PDE8B: variants seen among roughly 807,000 people sequenced by gnomAD.
PDE8B encodes the protein phosphodiesterase 8B, also known as high affinity cAMP-specific and IBMX-insensitive 3',5'-cyclic phosphodiesterase 8B.
A neutral mutation model predicts 101.3 loss-of-function variants in PDE8B; 26 were observed. The ratio of observed to expected loss-of-function variants is 0.26; its 90% confidence interval spans 0.19 to 0.36. PDE8B has a LOEUF of 0.36. Ranked by LOEUF, PDE8B falls within the 10% of genes least tolerant of loss-of-function variation. The probability of loss-of-function intolerance (pLI) is 1.00; values close to 1 mark genes in which losing one functional copy is unlikely to be tolerated. For missense variants in PDE8B, 810 were observed against 1,163.1 expected, an observed-to-expected ratio of 0.70 and a Z score of 4.42; for synonymous variants, 424 against 429.3, an observed-to-expected ratio of 0.99 and a Z score of 0.15.
At chr5:77,281,092 G>A (rs1171655984) in intron 1 of PDE8B, among the ~76,000 whole-genome samples, 2 of 152,204 alleles carry the variant, frequency 1.3e-5, no homozygotes, top group African/African-American at 4.8e-5. Flanking sequence ...CCAGGCCACA[G>A]TGCCCGTGGA....
At chr5:77,174,331 C>A in the PDE8B span, among the ~76,000 whole-genome samples, 3 of 152,172 alleles carry the variant, frequency 2.0e-5, no homozygotes, top group East Asian at 5.8e-4. Context: ...GAGTCAGTCA[C>A]CCACTCACAT....
At chr5:77,371,311 C>A (rs932156234) in intron 10 of PDE8B, among the ~76,000 whole-genome samples, 1 of 152,116 alleles carries the variant, frequency 6.6e-6, no homozygotes, top group Admixed American at 6.6e-5. Context: ...TGGGATCAAG[C>A]TTAATATTTT....
At position 77,258,254 on chromosome 5, in the gene PDE8B, A is replaced by G. The variant is rs149141595; in HGVS notation, c.339+46990A>G. Among the ~76,000 whole-genome samples, 24 of 144,334 alleles carry G rather than the reference A, an allele frequency of 1.7e-4. No individual in the cohort carries two copies. In the East Asian group the frequency reaches 5.1e-3, roughly 31 times the overall value. 94.7% of individuals were successfully genotyped at this position (144,334 alleles called of 152,430 possible). A position where few individuals can be genotyped will look rare whatever the true frequency, so the allele number is the denominator to read the frequency against. On this transcript the variant is annotated intron_variant, in intron 1 of 21. Coordinates refer to ENST00000264917, the MANE Select transcript of PDE8B (RefSeq NM_003719.5). ...TAGTGAGCCGAGATTGCATCACTGC[A>G]CATCAGCCTGGGTGACAAAAGCGAG...
chr5:77,230,720 C>G (rs994022695), intron 1 of PDE8B, among the ~76,000 whole-genome samples: 5 of 152,162 alleles, frequency 3.3e-5, no homozygotes, highest in Non-Finnish European at 7.3e-5. Flanking sequence ...GCTGGGATTA[C>G]AGGCATGAGC....
At chr5:77,378,768 C>T (rs1443700602) in intron 10 of PDE8B, among the ~76,000 whole-genome samples, 1 of 152,302 alleles carries the variant, frequency 6.6e-6, no homozygotes, top group East Asian at 1.9e-4. Flanking sequence ...GATCCAAATG[C>T]TTGGCCCCAC....
In PDE8B at chr5:77,290,904, A is replaced by G; in HGVS notation, c.340-21090A>G. 1.9e-6 allele frequency: 3 copies of G among 1,606,302 alleles called. No individual in the cohort carries two copies. In the Admixed American group the frequency reaches 5.0e-5, roughly 27 times the overall value. On this transcript the variant is annotated intron_variant, in intron 1 of 21. Coordinates refer to ENST00000264917, the MANE Select transcript of PDE8B (RefSeq NM_003719.5). Reference sequence around the variant, plus strand: ...GATAATAGCCAAGGTTCTGGAGGACAACAAGCTGCTTGGTGCAATTTGTTC... The same window carrying G: ...GATAATAGCCAAGGTTCTGGAGGACGACAAGCTGCTTGGTGCAATTTGTTC...
the PDE8B span, among the ~76,000 whole-genome samples, chr5:77,135,722 G>A: frequency 1.3e-5 from 2 of 151,894 alleles, no homozygotes; most frequent in African/African-American, 2.4e-5. Flanking sequence ...TGATCCACCC[G>A]CCTCGGCCTC....
chr5:77,349,869 TTG>T (rs1780770432), intron 8 of PDE8B, among the ~76,000 whole-genome samples: 2 of 152,192 alleles, frequency 1.3e-5, no homozygotes, highest in Admixed American at 1.3e-4. Context: ...CAGAGAGCTG[TTG>T]TGTTTTTTCA....
chr5:77,385,115 G>A (rs1416633604), intron 10 of PDE8B, among the ~76,000 whole-genome samples: 1 of 152,178 alleles, frequency 6.6e-6, no homozygotes, highest in Non-Finnish European at 1.5e-5. Flanking sequence ...GACTTCTTTT[G>A]GTTGGTAGGC....
chr5:77,266,020 G>A (rs1761639726), intron 1 of PDE8B, among the ~76,000 whole-genome samples: 1 of 152,156 alleles, frequency 6.6e-6, no homozygotes, highest in Non-Finnish European at 1.5e-5. Context: ...AGGAAAAAAG[G>A]GGTGCTCACC....
intron 1 of PDE8B, among the ~76,000 whole-genome samples, chr5:77,233,108 G>A (rs1753907048): frequency 6.6e-6 from 1 of 151,920 alleles, no homozygotes; most frequent in Non-Finnish European, 1.5e-5. Flanking sequence ...ACTGACCTCG[G>A]CTCCTGAGCT....
chr5:77,280,804 G>A (rs1021297502), intron 1 of PDE8B, among the ~76,000 whole-genome samples: 1 of 152,238 alleles, frequency 6.6e-6, no homozygotes, highest in African/African-American at 2.4e-5. Flanking sequence ...GGCTGAGGCA[G>A]GAGAATCGCT....
intron 2 of PDE8B, among the ~76,000 whole-genome samples, chr5:77,323,290 CTG>C (rs1283133215): frequency 2.0e-5 from 3 of 152,214 alleles, no homozygotes; most frequent in Admixed American, 2.0e-4. Flanking sequence ...GGAAGGAACT[CTG>C]TGGCTGGAAA....
At chr5:77,316,748 C>T (rs766228570) in intron 2 of PDE8B, among the ~76,000 whole-genome samples, 1 of 152,098 alleles carries the variant, frequency 6.6e-6, no homozygotes, top group Non-Finnish European at 1.5e-5. Flanking sequence ...GATATGTGCT[C>T]ATAACCTATG....
At chr5:77,275,785 T>C (rs745414650) in intron 1 of PDE8B, among the ~76,000 whole-genome samples, 6 of 152,232 alleles carry the variant, frequency 3.9e-5, no homozygotes, top group Non-Finnish European at 7.3e-5. Flanking sequence ...TTTCTTTAAA[T>C]GTTGAATTTC....
chr5:77,322,744 C>T lies in PDE8B; in HGVS notation c.400-2795C>T, dbSNP rs372188660. Among the ~76,000 whole-genome samples the T allele has an allele frequency of 3.3e-4, 50 of 152,314 alleles. No homozygotes were observed. The South Asian group carries it at 4.3e-3, about 13-fold the overall frequency. ...TCCTGACCCCCTTACTCTGCTCTGC[C>T]GGGTTTCACATAGCACCTGTCATTT... On this transcript the variant is annotated intron_variant, in intron 2 of 21. Coordinates refer to ENST00000264917, the MANE Select transcript of PDE8B (RefSeq NM_003719.5).
chr5:77,170,734 T>A, the PDE8B span, among the ~76,000 whole-genome samples: 2 of 152,200 alleles, frequency 1.3e-5, no homozygotes, highest in African/African-American at 2.4e-5. Context: ...TCTCCTCAAA[T>A]ATAGTGCCAT....
At chr5:77,202,184 T>G in the PDE8B span, among the ~76,000 whole-genome samples, 1 of 152,228 alleles carries the variant, frequency 6.6e-6, no homozygotes, top group African/African-American at 2.4e-5. Context: ...CAATCCCTAT[T>G]ATCCCATTCC....
At chr5:77,377,512 C>T (rs1404308252) in intron 10 of PDE8B, among the ~76,000 whole-genome samples, 6 of 152,338 alleles carry the variant, frequency 3.9e-5, no homozygotes, top group Non-Finnish European at 5.9e-5. Flanking sequence ...AATATTGTCT[C>T]ATTTGATCCT....
Sources: gnomAD v4.1 joint callset for allele counts (sites outside exome capture counted in the v4.1 genomes callset) on GRCh38, gnomAD v4.1.1 for gene constraint, MANE v1.5 for transcripts, NCBI Gene and HGNC (gene_info 2026-07-23, HGNC 2026-07-21) for gene names.